Variants in TOX3 observed in about 807,000 individuals in gnomAD.
TOX3 encodes the protein TOX high mobility group box family member 3, also known as CAG trinucleotide repeat-containing gene F9 protein.
In TOX3, 22 loss-of-function variants were observed where a neutral mutation model predicts 64.3. That is an observed-to-expected ratio of 0.34 (90% confidence interval 0.24 to 0.49). The LOEUF (loss-of-function observed/expected upper bound fraction) is 0.49. TOX3 is among the 20% of genes least tolerant of loss of function. The pLI, the probability that TOX3 is intolerant of heterozygous loss-of-function variation, is 0.99. For synonymous variants in TOX3, 291 were observed against 273.6 expected (o/e 1.06, Z -0.63); for missense variants, 661 against 714.4 (o/e 0.93, Z 0.85).
chr16:52,546,330 C>T (rs1794228391), intron 1 of TOX3, among the ~76,000 whole-genome samples: 1 of 152,034 alleles, frequency 6.6e-6, no homozygotes, highest in South Asian at 2.1e-4. Context: ...CAAACAATCA[C>T]ACGCCAGCCC....
intron 1 of TOX3, among the ~76,000 whole-genome samples, chr16:52,510,461 G>T (rs2151471241): frequency 6.6e-6 from 1 of 152,206 alleles, no homozygotes; most frequent in Non-Finnish European, 1.5e-5. Flanking sequence ...TGACCTTAAA[G>T]AAAATTTGTC....
intron 1 of TOX3, among the ~76,000 whole-genome samples, chr16:52,526,968 G>A (rs977716721): frequency 2.0e-5 from 3 of 152,192 alleles, no homozygotes; most frequent in Non-Finnish European, 4.4e-5. Context: ...ACCAGGCACA[G>A]TGCTGGGCAC....
At chr16:52,516,124 C>A (rs2193093) in intron 1 of TOX3, among the ~76,000 whole-genome samples, 24,505 of 152,086 alleles carry the variant, frequency 0.16, 2,284 homozygotes, top group Middle Eastern at 0.25. Context: ...ATTGTAAAAT[C>A]ACTTTCAAAT....
intron 1 of TOX3, 61 bp downstream of exon 1, chr16:52,546,576 G>A (rs1006393521): frequency 3.1e-5 from 45 of 1,472,082 alleles, no homozygotes; most frequent in Non-Finnish European, 3.3e-5. Flanking sequence ...CCCGAGCGCG[G>A]GGCGCGCCCA....
At chr16:52,490,972 C>G (rs1397608823) in intron 1 of TOX3, among the ~76,000 whole-genome samples, 1 of 152,036 alleles carries the variant, frequency 6.6e-6, no homozygotes, top group Non-Finnish European at 1.5e-5. Context: ...ATGGCTAAAG[C>G]GTAATTTACC....
chr16:52,546,973 G>T lies in TOX3; in HGVS notation c.-250C>A. 1.0e-6 allele frequency: 1 copy of T among 977,242 alleles called. No homozygotes were observed. The highest frequency in any genetic ancestry group is 1.8e-5 in the African/African-American group (1 of 55,906). 60.5% of individuals were successfully genotyped at this position (977,242 alleles called of 1,614,324 possible). A position where few individuals can be genotyped will look rare whatever the true frequency, so the allele number is the denominator to read the frequency against. On this transcript the variant is annotated 5_prime_UTR_variant, in exon 1 of 7. Coordinates refer to ENST00000219746, the MANE Select transcript of TOX3 (RefSeq NM_001080430.4). Reference sequence around the variant, plus strand: ...GGACGCGCCCCGCCGGGGCACCGAGGCAGCGCTGCGCGCGGGCCGGGCGCC... The same window carrying T: ...GGACGCGCCCCGCCGGGGCACCGAGTCAGCGCTGCGCGCGGGCCGGGCGCC...
chr16:52,545,061 C>T (rs966059946), intron 1 of TOX3, among the ~76,000 whole-genome samples: 1 of 152,218 alleles, frequency 6.6e-6, no homozygotes, highest in African/African-American at 2.4e-5. Context: ...CTCAGAAACA[C>T]TACATACTTA....
intron 1 of TOX3, among the ~76,000 whole-genome samples, chr16:52,502,690 A>G (rs2151465604): frequency 6.6e-6 from 1 of 152,360 alleles, no homozygotes; most frequent in Non-Finnish European, 1.5e-5. Flanking sequence ...TTAATATTAC[A>G]AATTTTTGAC....
chr16:52,496,520 A>G (rs959814388), intron 1 of TOX3, among the ~76,000 whole-genome samples: 1 of 152,254 alleles, frequency 6.6e-6, no homozygotes, highest in East Asian at 1.9e-4. Context: ...CAAAAGAAGT[A>G]CTTTCTAAAG....
chr16:52,441,261 C>T lies in TOX3; in HGVS notation c.988-1293G>A, dbSNP rs541851914. Among the ~76,000 whole-genome samples the T allele has an allele frequency of 3.3e-5, 5 of 152,248 alleles. No individual in the cohort carries two copies. The South Asian group carries it at 1.0e-3, about 32-fold the overall frequency. ...GTGATTATTTATAACAAGGTTCACT[C>T]AAGTATAAGAAAACCATTATTGGTT... On this transcript the variant is annotated intron_variant, in intron 6 of 6. Transcript: ENST00000219746.
intron 1 of TOX3, among the ~76,000 whole-genome samples, chr16:52,500,218 C>T (rs771184394): frequency 1.2e-4 from 18 of 152,096 alleles, no homozygotes; most frequent in Middle Eastern, 3.2e-3. Context: ...TGTATGCTTC[C>T]TTCTCATGTG....
At chr16:52,446,993 C>A (rs59089439) in intron 4 of TOX3, among the ~76,000 whole-genome samples, 2,257 of 152,102 alleles carry the variant, frequency 0.015, 46 homozygotes, top group African/African-American at 0.052. Context: ...GGCAAGTAAC[C>A]CTGCTCACAA....
chr16:52,534,462 A>AC (rs1296019650), intron 1 of TOX3, among the ~76,000 whole-genome samples: 1 of 152,010 alleles, frequency 6.6e-6, no homozygotes, highest in Non-Finnish European at 1.5e-5. Flanking sequence ...ACATAGTGAG[A>AC]CCCCATCTCT....
intron 3 of TOX3, among the ~76,000 whole-genome samples, chr16:52,458,059 T>C (rs1960574612): frequency 6.6e-6 from 1 of 152,224 alleles, no homozygotes; most frequent in South Asian, 2.1e-4. Context: ...TTTTATTCAG[T>C]CCTAAATTAA....
At chr16:52,474,165 G>A (rs78860052) in intron 1 of TOX3, among the ~76,000 whole-genome samples, 8,385 of 152,074 alleles carry the variant, frequency 0.055, 767 homozygotes, top group African/African-American at 0.19. Context: ...TGGTGACTCC[G>A]GCCAAATATC....
intron 1 of TOX3, among the ~76,000 whole-genome samples, chr16:52,529,672 A>G (rs1311572549): frequency 6.6e-6 from 1 of 152,264 alleles, no homozygotes; most frequent in African/African-American, 2.4e-5. Flanking sequence ...CTTCTTGGCC[A>G]TCAATGCAAA....
At chr16:52,495,550 T>A (rs1189982075) in intron 1 of TOX3, among the ~76,000 whole-genome samples, 1 of 152,332 alleles carries the variant, frequency 6.6e-6, no homozygotes, top group South Asian at 2.1e-4. Flanking sequence ...CCTCTGGTTA[T>A]AGGTGCAGAC....
chr16:52,442,023 C>T (rs1296985304), intron 6 of TOX3, among the ~76,000 whole-genome samples: 2 of 152,110 alleles, frequency 1.3e-5, no homozygotes, highest in Non-Finnish European at 2.9e-5. Flanking sequence ...AATTAACAAG[C>T]TGTCTTAAAG....
chr16:52,484,634 G>GA (rs1452611044), intron 1 of TOX3, among the ~76,000 whole-genome samples: 1 of 151,616 alleles, frequency 6.6e-6, no homozygotes, highest in Non-Finnish European at 1.5e-5. Flanking sequence ...CTAAGGTAGT[G>GA]AAAAAACATT....
Sources: gnomAD v4.1 joint callset for allele counts (sites outside exome capture counted in the v4.1 genomes callset) on GRCh38, gnomAD v4.1.1 for gene constraint, MANE v1.5 for transcripts, NCBI Gene and HGNC (gene_info 2026-07-23, HGNC 2026-07-21) for gene names.